The following DPYD variants were observed in gnomAD, a reference collection of about 807,000 sequenced individuals.
DPYD encodes the protein dihydropyrimidine dehydrogenase [NADP(+)].
A neutral mutation model predicts 116.2 loss-of-function variants in DPYD; 109 were observed. The observed-to-expected ratio is 0.94, with a 90% CI of 0.80 to 1.10. The LOEUF is 1.10. Ranked by LOEUF, DPYD falls within the 50% of genes least tolerant of loss-of-function variation. The pLI, the probability that DPYD is intolerant of heterozygous loss-of-function variation, is 0.00. For missense variants in DPYD, 1,302 were observed against 1,254.5 expected, an observed-to-expected ratio of 1.04 and a Z score of -0.57; for synonymous variants, 440 against 432.0, an observed-to-expected ratio of 1.02 and a Z score of -0.23.
intron 8 of DPYD, among the ~76,000 whole-genome samples, chr1:97,655,065 T>G (rs961374332): frequency 6.6e-6 from 1 of 152,182 alleles, no homozygotes; most frequent in Non-Finnish European, 1.5e-5. Context: ...GTAGGAATTA[T>G]GGGAACTACA....
At chr1:97,798,498 T>C (rs1485738565) in intron 3 of DPYD, among the ~76,000 whole-genome samples, 1 of 152,002 alleles carries the variant, frequency 6.6e-6, no homozygotes, top group East Asian at 1.9e-4. Context: ...ACTATTATTC[T>C]ACCCATTTTA....
chr1:97,200,311 T>G (rs1013860123), intron 19 of DPYD, among the ~76,000 whole-genome samples: 1 of 152,180 alleles, frequency 6.6e-6, no homozygotes, highest in African/African-American at 2.4e-5. Flanking sequence ...GCTTACAATT[T>G]AAGTCTAAAG....
At chr1:97,620,137 G>A (rs187117284) in intron 8 of DPYD, among the ~76,000 whole-genome samples, 1 of 151,902 alleles carries the variant, frequency 6.6e-6, no homozygotes, top group East Asian at 1.9e-4. Context: ...TGATACACAG[G>A]GCATTCATCT....
intron 3 of DPYD, among the ~76,000 whole-genome samples, chr1:97,813,915 G>GACACACAC (rs59229553): frequency 3.6e-4 from 52 of 144,730 alleles, no homozygotes; most frequent in African/African-American, 9.9e-4. Flanking sequence ...GAAACACACA[G>GACACACAC]ACACACACAC....
intron 6 of DPYD, among the ~76,000 whole-genome samples, chr1:97,694,752 TAAAACTTACTA>T (rs1002518641): frequency 1.9e-4 from 29 of 152,294 alleles, no homozygotes; most frequent in African/African-American, 6.5e-4. Context: ...AAAACCATTA[TAAAACTTACTA>T]AAGTGAGTCT....
At chr1:97,562,454 A>G (rs1373267344) in intron 11 of DPYD, among the ~76,000 whole-genome samples, 1 of 152,172 alleles carries the variant, frequency 6.6e-6, no homozygotes, top group Non-Finnish European at 1.5e-5. Flanking sequence ...TGGTCAGGTA[A>G]GTCTTGAAAA....
intron 4 of DPYD, among the ~76,000 whole-genome samples, chr1:97,726,428 A>T (rs1483367313): frequency 6.6e-6 from 1 of 151,576 alleles, no homozygotes; most frequent in African/African-American, 2.4e-5. Flanking sequence ...TCCTAAGCAA[A>T]CATATTTAGT....
chr1:97,269,475 G>C (rs887080593), intron 18 of DPYD, among the ~76,000 whole-genome samples: 24 of 152,050 alleles, frequency 1.6e-4, no homozygotes, highest in Non-Finnish European at 2.9e-4. Flanking sequence ...TATAGCAGCA[G>C]TCACACTTCT....
intron 18 of DPYD, among the ~76,000 whole-genome samples, chr1:97,258,438 T>G (rs540636492): frequency 3.9e-5 from 6 of 152,134 alleles, no homozygotes; most frequent in Non-Finnish European, 8.8e-5. Flanking sequence ...GGGGGACAAT[T>G]CTATAAGGCT....
chr1:97,401,048 C>T lies in DPYD; in HGVS notation c.1906-18587G>A, dbSNP rs138236308. On this transcript the variant is annotated intron_variant, in intron 14 of 22. Transcript: ENST00000370192. Reference sequence around the variant, plus strand: ...GGTACCTCATTGTTGTTTTAATTTGCATTTCCCTCCTGACATGATGTAGAG... The same window carrying T: ...GGTACCTCATTGTTGTTTTAATTTGTATTTCCCTCCTGACATGATGTAGAG... Among the ~76,000 whole-genome samples the T allele has an allele frequency of 3.6e-3, 553 of 152,150 alleles. 3 individuals carry two copies. The highest frequency in any genetic ancestry group is 0.013 in the African/African-American group (537 of 41,540).
At chr1:97,231,428 G>A (rs1661581601) in intron 19 of DPYD, among the ~76,000 whole-genome samples, 1 of 152,172 alleles carries the variant, frequency 6.6e-6, no homozygotes, top group Non-Finnish European at 1.5e-5. Context: ...CATGGCTGGG[G>A]AAGCCTCACA....
chr1:97,709,140 C>T (rs1411161464), intron 5 of DPYD, among the ~76,000 whole-genome samples: 2 of 151,770 alleles, frequency 1.3e-5, no homozygotes, highest in Non-Finnish European at 2.9e-5. Flanking sequence ...TTATAAATTG[C>T]ATTTGTATTC....
chr1:97,283,388 G>T (rs1387404136), intron 18 of DPYD, among the ~76,000 whole-genome samples: 1 of 151,934 alleles, frequency 6.6e-6, no homozygotes, highest in Non-Finnish European at 1.5e-5. Context: ...TTTGAAATTG[G>T]TTTAAATAAT....
chr1:97,718,006 A>T (rs1248035534), intron 5 of DPYD, among the ~76,000 whole-genome samples: 2 of 152,070 alleles, frequency 1.3e-5, no homozygotes, highest in African/African-American at 4.8e-5. Flanking sequence ...TGCTGGATCC[A>T]ACGTTAGATC....
chr1:97,787,497 A>G (rs1174864568), intron 3 of DPYD, among the ~76,000 whole-genome samples: 4 of 152,232 alleles, frequency 2.6e-5, no homozygotes, highest in African/African-American at 9.6e-5. Context: ...AAAGAGGTCT[A>G]TTTACAAGAT....
intron 13 of DPYD, among the ~76,000 whole-genome samples, chr1:97,466,583 T>C (rs959380908): frequency 6.6e-6 from 1 of 152,186 alleles, no homozygotes; most frequent in Non-Finnish European, 1.5e-5. Context: ...TCATTTGTGC[T>C]TTTAAACATG....
chr1:97,158,472 G>GACACACACAC (rs58771302), intron 20 of DPYD, among the ~76,000 whole-genome samples: 6,001 of 111,978 alleles, frequency 0.054, 422 homozygotes, highest in Non-Finnish European at 0.068. Flanking sequence ...TAACTCACCA[G>GACACACACAC]ACACACACAC....
intron 21 of DPYD, among the ~76,000 whole-genome samples, chr1:97,093,052 C>T (rs1650000979): frequency 6.6e-6 from 1 of 152,134 alleles, no homozygotes; most frequent in African/African-American, 2.4e-5. Context: ...CCTTAAATGT[C>T]ACTTCCTCAA....
intron 11 of DPYD, among the ~76,000 whole-genome samples, chr1:97,573,312 T>C (rs1653034405): frequency 6.6e-6 from 1 of 152,092 alleles, no homozygotes; most frequent in African/African-American, 2.4e-5. Context: ...AATTTGATAA[T>C]TCTGACATCT....
Sources: gnomAD v4.1 joint callset for allele counts (sites outside exome capture counted in the v4.1 genomes callset) on GRCh38, gnomAD v4.1.1 for gene constraint, MANE v1.5 for transcripts, NCBI Gene and HGNC (gene_info 2026-07-23, HGNC 2026-07-21) for gene names.